Variants in PCDH7 observed in about 807,000 individuals in gnomAD.
PCDH7 encodes the protein protocadherin-7.
A neutral mutation model predicts 58.9 loss-of-function variants in PCDH7; 17 were observed. That is an observed-to-expected ratio of 0.29 (90% CI 0.20 to 0.43). The LOEUF is 0.43. Ranked by LOEUF, PCDH7 falls within the 20% of genes least tolerant of loss-of-function variation. The probability of loss-of-function intolerance (pLI) is 1.00; values close to 1 mark genes in which losing one functional copy is unlikely to be tolerated. For synonymous variants in PCDH7, 664 were observed against 616.4 expected, an observed-to-expected ratio of 1.08 and a Z score of -1.14; for missense variants, 1,274 against 1,441.0, an observed-to-expected ratio of 0.88 and a Z score of 1.88.
In PCDH7 at chr4:30,846,738, C is replaced by G. The variant is rs575839112; in HGVS notation, c.71-73415C>G. Among the ~76,000 whole-genome samples the G allele has an allele frequency of 1.3e-4, 20 of 152,160 alleles. No homozygotes were observed. The East Asian group carries it at 3.7e-3, about 28-fold the overall frequency. On this transcript the variant is annotated intron_variant, in intron 1 of 3. Transcript: ENST00000509759. The stretch of plus-strand genomic sequence containing the variant: ...AACTATTGTTTCTAAGGTAAATATG[C>G]AGTTACATTTTATTGTTGTTCAAAA...
At chr4:30,907,665 G>T (rs1440611630) in intron 1 of PCDH7, among the ~76,000 whole-genome samples, 4 of 152,158 alleles carry the variant, frequency 2.6e-5, no homozygotes, top group African/African-American at 9.7e-5. Context: ...GTGTAAATTA[G>T]TTCAACCACT....
intron 1 of PCDH7, among the ~76,000 whole-genome samples, chr4:30,743,869 G>A (rs1717413741): frequency 6.6e-6 from 1 of 152,122 alleles, no homozygotes; most frequent in Admixed American, 6.6e-5. Flanking sequence ...GTTTTTGAAA[G>A]CTGCTTTCAG....
chr4:30,836,089 T>C (rs1224311017), intron 1 of PCDH7, among the ~76,000 whole-genome samples: 1 of 152,206 alleles, frequency 6.6e-6, no homozygotes, highest in Non-Finnish European at 1.5e-5. Context: ...TAATTCACCA[T>C]GTTATGTAAT....
chr4:31,125,633 A>G (rs1309365228), intron 3 of PCDH7, among the ~76,000 whole-genome samples: 2 of 152,180 alleles, frequency 1.3e-5, no homozygotes, highest in African/African-American at 2.4e-5. Context: ...CATTCAGTAC[A>G]ATAATCTCTC....
intron 1 of PCDH7, among the ~76,000 whole-genome samples, chr4:30,778,355 C>T (rs1722343723): frequency 6.6e-6 from 1 of 152,022 alleles, no homozygotes; most frequent in Non-Finnish European, 1.5e-5. Flanking sequence ...GCCTTGTAAT[C>T]AAGCATTTTA....
Position 31,054,080 on chromosome 4 carries a change from C to T in PCDH7, c.*8-88393C>T, listed in dbSNP as rs55971541. ...TCCCAGGCTCAAGCAATCCTCCCAC[C>T]TCAGCCTCTCCAGTAGCTGGGACTA... On this transcript the variant is annotated intron_variant, in intron 3 of 3. Transcript: ENST00000509759. Among the ~76,000 whole-genome samples the T allele has an allele frequency of 3.0e-3, 450 of 152,192 alleles. 2 individuals are homozygous for T. The highest frequency in any genetic ancestry group is 0.01 in the African/African-American group (432 of 41,526).
At chr4:30,764,689 G>A (rs1720465865) in intron 1 of PCDH7, among the ~76,000 whole-genome samples, 1 of 146,308 alleles carries the variant, frequency 6.8e-6, no homozygotes, top group Non-Finnish European at 1.5e-5. Flanking sequence ...GCACACAATT[G>A]ACCTGATTAT....
At chr4:31,135,251 G>A (rs555840383) in intron 3 of PCDH7, among the ~76,000 whole-genome samples, 6 of 152,158 alleles carry the variant, frequency 3.9e-5, no homozygotes, top group South Asian at 2.1e-4. Context: ...AAGATAGCAC[G>A]CTGGCAACCT....
chr4:31,145,025 C>G (rs1720585279), downstream of PCDH7: 1 of 151,572 alleles, frequency 6.6e-6, no homozygotes, highest in African/African-American at 2.4e-5. Context: ...AGAAAATACT[C>G]AATTGCATAA....
chr4:31,091,479 C>T (rs1457109903), intron 3 of PCDH7, among the ~76,000 whole-genome samples: 1 of 151,508 alleles, frequency 6.6e-6, no homozygotes, highest in East Asian at 1.9e-4. Context: ...AAAATGAAAA[C>T]AGATTAATGT....
chr4:30,787,492 G>T (rs76340664), intron 1 of PCDH7, among the ~76,000 whole-genome samples: 2,850 of 152,182 alleles, frequency 0.019, 34 homozygotes, highest in Non-Finnish European at 0.03. Context: ...AAAAGCAGAA[G>T]ATAGATCACA....
intron 3 of PCDH7, among the ~76,000 whole-genome samples, chr4:31,105,191 G>A (rs1237883406): frequency 1.3e-5 from 2 of 152,142 alleles, no homozygotes; most frequent in Non-Finnish European, 2.9e-5. Flanking sequence ...TTACTTCTTT[G>A]TGTATAAGTA....
chr4:30,743,765 C>CAAACTACT (rs756993300), intron 1 of PCDH7, among the ~76,000 whole-genome samples: 7 of 151,900 alleles, frequency 4.6e-5, no homozygotes, highest in Non-Finnish European at 1.0e-4. Flanking sequence ...TCAACAAGCT[C>CAAACTACT]AAACTACTTT....
chr4:30,839,033 A>C (rs1730882175), intron 1 of PCDH7, among the ~76,000 whole-genome samples: 1 of 152,044 alleles, frequency 6.6e-6, no homozygotes, highest in Non-Finnish European at 1.5e-5. Context: ...ATAGAGCACT[A>C]GTATGAAAGG....
chr4:31,084,998 T>C (rs1436170992), intron 3 of PCDH7, among the ~76,000 whole-genome samples: 1 of 152,062 alleles, frequency 6.6e-6, no homozygotes, highest in Non-Finnish European at 1.5e-5. Context: ...ACAGAGCTGA[T>C]TCATCAAGAC....
At chr4:30,918,332 G>A (rs1243964413) in intron 1 of PCDH7, among the ~76,000 whole-genome samples, 8 of 152,006 alleles carry the variant, frequency 5.3e-5, no homozygotes, top group Non-Finnish European at 1.2e-4. Flanking sequence ...TGAGAAGTGG[G>A]GTGGATGGGG....
At chr4:30,831,463 A>G (rs1729770843) in intron 1 of PCDH7, among the ~76,000 whole-genome samples, 1 of 152,166 alleles carries the variant, frequency 6.6e-6, no homozygotes, top group Non-Finnish European at 1.5e-5. Flanking sequence ...TGTATTAGAT[A>G]ACATTTGTAA....
chr4:31,039,835 C>T (rs754315111), intron 3 of PCDH7, among the ~76,000 whole-genome samples: 2 of 152,102 alleles, frequency 1.3e-5, no homozygotes, highest in Admixed American at 6.6e-5. Context: ...GCAATAATCT[C>T]GTGATTATAT....
At chr4:30,955,893 A>C (rs1486562217) in intron 3 of PCDH7, among the ~76,000 whole-genome samples, 2 of 151,526 alleles carry the variant, frequency 1.3e-5, no homozygotes, top group Non-Finnish European at 2.9e-5. Context: ...GTTAGATAAA[A>C]TGAATTACAG....
Sources: gnomAD v4.1 joint callset for allele counts (sites outside exome capture counted in the v4.1 genomes callset) on GRCh38, gnomAD v4.1.1 for gene constraint, MANE v1.5 for transcripts, NCBI Gene and HGNC (gene_info 2026-07-23, HGNC 2026-07-21) for gene names.